The following PBX1 variants were observed in gnomAD, a reference collection of about 807,000 sequenced individuals.
The protein encoded by PBX1 is PBX homeobox 1.
A neutral mutation model predicts 53.4 loss-of-function variants in PBX1; 6 were observed. That is an observed-to-expected ratio of 0.11 (90% CI 0.06 to 0.22). The LOEUF is 0.22. PBX1 is among the 10% of genes least tolerant of loss of function. The pLI is 1.00. For synonymous variants in PBX1, 204 were observed against 212.3 expected, an observed-to-expected ratio of 0.96 and a Z score of 0.34; for missense variants, 251 against 551.4, an observed-to-expected ratio of 0.46 and a Z score of 5.46.
intron 2 of PBX1, among the ~76,000 whole-genome samples, chr1:164,667,891 C>A (rs1285790451): frequency 2.0e-5 from 3 of 152,170 alleles, no homozygotes; most frequent in Non-Finnish European, 4.4e-5. Flanking sequence ...GTTTCCTAGC[C>A]TTTCCTAGTC....
rs560167128 is a variant in PBX1 at position 164,794,378 on chromosome 1, C to T, written c.510+1640C>T. On this transcript the variant is annotated intron_variant, in intron 3 of 8. Transcript: ENST00000420696. ...TCCTATCTACCTTTGGAATGGATTT[C>T]TACAAAATCCTCTCTTTTATGAGGG... Among the ~76,000 whole-genome samples, 17 of 152,264 alleles carry T rather than the reference C, an allele frequency of 1.1e-4. No individual in the cohort carries two copies. The South Asian group carries it at 2.9e-3, about 26-fold the overall frequency.
intron 2 of PBX1, among the ~76,000 whole-genome samples, chr1:164,623,054 C>T (rs377007945): frequency 3.3e-5 from 5 of 152,104 alleles, no homozygotes; most frequent in African/African-American, 1.2e-4. Context: ...ACCTCGTGAT[C>T]CACCTGCCTC....
intron 2 of PBX1, among the ~76,000 whole-genome samples, chr1:164,592,897 A>G (rs1487807825): frequency 6.6e-6 from 1 of 151,810 alleles, no homozygotes; most frequent in Non-Finnish European, 1.5e-5. Flanking sequence ...CTTCCCCACA[A>G]TGGGAACTTG....
At chr1:164,766,305 T>C (rs1473687164) in intron 2 of PBX1, among the ~76,000 whole-genome samples, 3 of 152,206 alleles carry the variant, frequency 2.0e-5, no homozygotes, top group African/African-American at 7.2e-5. Context: ...ACATAAAGTG[T>C]CATCATTACA....
At chr1:164,703,993 C>G (rs970619905) in intron 2 of PBX1, among the ~76,000 whole-genome samples, 1 of 152,112 alleles carries the variant, frequency 6.6e-6, no homozygotes, top group Non-Finnish European at 1.5e-5. Flanking sequence ...GGGAGGAGGT[C>G]CCTCCCTCTC....
At chr1:164,833,292 G>A (rs749818888) in intron 8 of PBX1, among the ~76,000 whole-genome samples, 12 of 152,052 alleles carry the variant, frequency 7.9e-5, no homozygotes, top group African/African-American at 1.2e-4. Flanking sequence ...TGATTTTTGC[G>A]GTTGAAAAAC....
intron 2 of PBX1, among the ~76,000 whole-genome samples, chr1:164,656,285 G>C (rs1001347260): frequency 1.3e-5 from 2 of 152,126 alleles, no homozygotes; most frequent in Admixed American, 1.3e-4. Flanking sequence ...CTTCTGTCCT[G>C]ATAAAAGTCT....
chr1:164,755,285 G>A (rs1666451181), intron 2 of PBX1, among the ~76,000 whole-genome samples: 1 of 152,134 alleles, frequency 6.6e-6, no homozygotes, highest in African/African-American at 2.4e-5. Flanking sequence ...CAAGGAGTGG[G>A]ATTAGAGCCA....
At chr1:164,712,025 C>A (rs1282159775) in intron 2 of PBX1, among the ~76,000 whole-genome samples, 1 of 149,572 alleles carries the variant, frequency 6.7e-6, no homozygotes. Context: ...CTCAAACCCC[C>A]CCACCGTAAG....
chr1:164,689,033 A>C (rs1317016314), intron 2 of PBX1, among the ~76,000 whole-genome samples: 1 of 152,154 alleles, frequency 6.6e-6, no homozygotes, highest in African/African-American at 2.4e-5. Context: ...AGAGGCAACG[A>C]CCTTCCTCCA....
intron 2 of PBX1, among the ~76,000 whole-genome samples, chr1:164,870,198 T>TTCTG (rs1672316433): frequency 6.9e-6 from 1 of 145,492 alleles, no homozygotes; most frequent in Admixed American, 6.8e-5. Flanking sequence ...TTGACTTTCT[T>TTCTG]TCTTTCTTTC....
At chr1:164,710,187 C>A (rs1285332904) in intron 2 of PBX1, among the ~76,000 whole-genome samples, 1 of 152,172 alleles carries the variant, frequency 6.6e-6, no homozygotes, top group Non-Finnish European at 1.5e-5. Flanking sequence ...CCTTTCTCTG[C>A]AGAATTTGAA....
intron 2 of PBX1, among the ~76,000 whole-genome samples, chr1:164,724,073 C>A (rs766625254): frequency 1.3e-5 from 2 of 152,132 alleles, no homozygotes; most frequent in Non-Finnish European, 2.9e-5. Context: ...CTTAGAAGTT[C>A]AAAAGCATTT....
intron 2 of PBX1, among the ~76,000 whole-genome samples, chr1:164,874,195 C>T (rs2102457913): frequency 6.6e-6 from 1 of 152,250 alleles, no homozygotes; most frequent in Admixed American, 6.5e-5. Context: ...TTGAGCTTAT[C>T]TTCACCCTAT....
chr1:164,562,096 C>T lies in PBX1; in HGVS notation c.192-1142C>T, dbSNP rs903601622. Among the ~76,000 whole-genome samples the T allele has an allele frequency of 4.6e-5, 7 of 151,834 alleles. No individual in the cohort carries two copies. In the South Asian group the frequency reaches 1.2e-3, roughly 27 times the overall value. ...CTTTATAATGTGTATTTATTATTTA[C>T]AAAAGTAAACCATTAATATTTTAGA... On this transcript the variant is annotated intron_variant, in intron 1 of 8. Transcript: ENST00000420696.
At chr1:164,876,952 G>A (rs1672527640) in intron 2 of PBX1, among the ~76,000 whole-genome samples, 1 of 152,294 alleles carries the variant, frequency 6.6e-6, no homozygotes, top group Non-Finnish European at 1.5e-5. Flanking sequence ...CAGCCCCGCA[G>A]AGCCTCGTTC....
chr1:164,678,761 A>G (rs1038618098), intron 2 of PBX1, among the ~76,000 whole-genome samples: 4 of 152,226 alleles, frequency 2.6e-5, no homozygotes, highest in Admixed American at 6.5e-5. Context: ...TAAGGAAACC[A>G]CAGCTAAGGG....
chr1:164,576,196 T>C (rs566106573), intron 2 of PBX1, among the ~76,000 whole-genome samples: 2 of 152,262 alleles, frequency 1.3e-5, no homozygotes, highest in South Asian at 4.1e-4. Flanking sequence ...AGATGCCCTT[T>C]TCAGAAAGGA....
intron 5 of PBX1, among the ~76,000 whole-genome samples, chr1:164,809,350 T>G (rs1163362801): frequency 6.6e-6 from 1 of 152,170 alleles, no homozygotes; most frequent in Non-Finnish European, 1.5e-5. Context: ...TATTTACATA[T>G]TGTGTCACCT....
Sources: gnomAD v4.1 joint callset for allele counts (sites outside exome capture counted in the v4.1 genomes callset) on GRCh38, gnomAD v4.1.1 for gene constraint, MANE v1.5 for transcripts, NCBI Gene and HGNC (gene_info 2026-07-23, HGNC 2026-07-21) for gene names.